Variants in HTT-AS observed in about 807,000 individuals in gnomAD.
HTT-AS encodes HTT antisense RNA.
chr4:3,060,216 G>A (rs1711899710), intron 2 of HTT-AS, among the ~76,000 whole-genome samples: 1 of 152,138 alleles, frequency 6.6e-6, no homozygotes, highest in Non-Finnish European at 1.5e-5. Flanking sequence ...ATTTTAAGAA[G>A]TCCTCATTTC....
chr4:3,054,738 G>GTT (rs1412711750), intron 2 of HTT-AS, among the ~76,000 whole-genome samples: 7 of 148,446 alleles, frequency 4.7e-5, no homozygotes, highest in Non-Finnish European at 1.0e-4. Flanking sequence ...TTTTTGAGAT[G>GTT]GAGTCTCGCT....
chr4:3,072,214 C>G (rs971987570), intron 1 of HTT-AS, among the ~76,000 whole-genome samples: 17 of 152,238 alleles, frequency 1.1e-4, no homozygotes, highest in African/African-American at 3.6e-4. Context: ...TCCAATCTCA[C>G]GTGGTGTTGG....
Position 3,050,244 on chromosome 4 carries a change from C to T in HTT-AS, n.1381-546G>A, listed in dbSNP as rs188520445. 6.1e-3 allele frequency among the ~76,000 whole-genome samples: 927 copies of T among 152,302 alleles called. 5 individuals carry two copies. The highest frequency in any genetic ancestry group is 9.7e-3 in the Non-Finnish European group (663 of 68,028). ...CAAATTAGGTGCATTGCACGGATAA[C>T]TGATGGGTTATCACAGGTAATTTGA... On this transcript the variant is annotated intron_variant and non_coding_transcript_variant, in intron 2 of 2. Transcript: ENST00000664062.
exon 1 of HTT-AS, chr4:3,074,489 G>C (rs1344479615): frequency 4.1e-6 from 1 of 244,230 alleles, no homozygotes; most frequent in Non-Finnish European, 7.6e-6. Context: ...GCCCGGGTGG[G>C]GCGCTGCGCT....
At chr4:3,047,728 C>A (rs896799135), downstream of HTT-AS, among the ~76,000 whole-genome samples, 1 of 152,184 alleles carries the variant, frequency 6.6e-6, no homozygotes, top group Non-Finnish European at 1.5e-5. Flanking sequence ...ATCAGTCAGG[C>A]CCGCCCACAG....
intron 2 of HTT-AS, among the ~76,000 whole-genome samples, chr4:3,060,595 C>T (rs186546639): frequency 4.5e-4 from 69 of 152,262 alleles, no homozygotes; most frequent in Middle Eastern, 3.4e-3. Flanking sequence ...AAAAGCAGCC[C>T]CCAAGCATTT....
intron 2 of HTT-AS, among the ~76,000 whole-genome samples, chr4:3,060,164 T>C (rs1711899226): frequency 1.3e-5 from 2 of 152,190 alleles, no homozygotes; most frequent in Admixed American, 1.3e-4. Context: ...TTGAAAGACA[T>C]TGCCAAGTCA....
chr4:3,059,186 C>T (rs945774225), intron 2 of HTT-AS, among the ~76,000 whole-genome samples: 1 of 152,212 alleles, frequency 6.6e-6, no homozygotes, highest in Non-Finnish European at 1.5e-5. Context: ...CAGCCAGTTC[C>T]TGCAGCCAGA....
chr4:3,071,085 T>A (rs1183369167), intron 1 of HTT-AS, among the ~76,000 whole-genome samples: 1 of 152,250 alleles, frequency 6.6e-6, no homozygotes, highest in African/African-American at 2.4e-5. Flanking sequence ...TTCTCAGCCA[T>A]GGCTGAAGCA....
chr4:3,074,162 G>A (rs1309364143), intron 1 of HTT-AS, among the ~76,000 whole-genome samples: 93 of 115,088 alleles, frequency 8.1e-4, no homozygotes, highest in African/African-American at 2.7e-3. Flanking sequence ...CCCCTATCCC[G>A]CTCCGCCCCT....
intron 2 of HTT-AS, among the ~76,000 whole-genome samples, chr4:3,057,997 C>A (rs1194715618): frequency 6.6e-6 from 1 of 151,770 alleles, no homozygotes; most frequent in Admixed American, 6.6e-5. Flanking sequence ...GGGCAATTCC[C>A]AGAACTGAGG....
chr4:3,060,773 C>T (rs1560530386), intron 2 of HTT-AS, among the ~76,000 whole-genome samples: 1 of 152,188 alleles, frequency 6.6e-6, no homozygotes, highest in Non-Finnish European at 1.5e-5. Flanking sequence ...CAACCATGTG[C>T]ACAGTAAGGA....
intron 1 of HTT-AS, among the ~76,000 whole-genome samples, chr4:3,065,654 G>T (rs1712033859): frequency 6.6e-6 from 1 of 152,154 alleles, no homozygotes; most frequent in South Asian, 2.1e-4. Flanking sequence ...TCATAGCTGA[G>T]CCCAGCCTGC....
At chr4:3,047,294 G>A (rs551932940), downstream of HTT-AS, among the ~76,000 whole-genome samples, 12 of 152,266 alleles carry the variant, frequency 7.9e-5, no homozygotes, top group South Asian at 2.5e-3. Context: ...CTGGGTGACA[G>A]AGCGAGACTC....
At chr4:3,047,439 T>C (rs915371956), downstream of HTT-AS, among the ~76,000 whole-genome samples, 9 of 152,252 alleles carry the variant, frequency 5.9e-5, no homozygotes, top group African/African-American at 1.9e-4. Context: ...TCCAATATTA[T>C]AATAATCTTT....
At chr4:3,049,348 C>G (rs1711659304) in exon 3 of HTT-AS, among the ~76,000 whole-genome samples, 1 of 151,978 alleles carries the variant, frequency 6.6e-6, no homozygotes, top group Non-Finnish European at 1.5e-5. Flanking sequence ...CGCTTGAACC[C>G]AGGAGGCAGA....
chr4:3,067,570 T>A (rs1712078662), intron 1 of HTT-AS, among the ~76,000 whole-genome samples: 2 of 152,328 alleles, frequency 1.3e-5, no homozygotes, highest in South Asian at 4.1e-4. Flanking sequence ...CTTAGGGAGT[T>A]CACTAGGAGA....
chr4:3,054,804 C>T (rs1711776669), intron 2 of HTT-AS, among the ~76,000 whole-genome samples: 1 of 151,492 alleles, frequency 6.6e-6, no homozygotes, highest in African/African-American at 2.4e-5. Flanking sequence ...AACCTCTGCC[C>T]CCTGGGTTTA....
chr4:3,073,566 C>T (rs1712254849), intron 1 of HTT-AS, among the ~76,000 whole-genome samples: 1 of 152,264 alleles, frequency 6.6e-6, no homozygotes, highest in African/African-American at 2.4e-5. Flanking sequence ...ATAGCTGCTT[C>T]TCGCTGCACT....
Sources: gnomAD v4.1 joint callset for allele counts (sites outside exome capture counted in the v4.1 genomes callset) on GRCh38, gnomAD v4.1.1 for gene constraint, MANE v1.5 for transcripts, NCBI Gene and HGNC (gene_info 2026-07-23, HGNC 2026-07-21) for gene names.